The following MAST4 variants were observed in gnomAD, a reference collection of about 807,000 sequenced individuals.
MAST4 encodes the protein microtubule-associated serine/threonine-protein kinase 4.
A neutral mutation model predicts 162.7 loss-of-function variants in MAST4; 89 were observed. That is an observed-to-expected ratio of 0.55 (90% CI 0.46 to 0.65). The LOEUF is 0.65. Among genes scored for constraint, MAST4 ranks in the 30% least tolerant of loss-of-function variants. The pLI is 0.00. For synonymous variants in MAST4, 1,479 were observed against 1,361.1 expected, an observed-to-expected ratio of 1.09 and a Z score of -1.91; for missense variants, 3,153 against 3,374.0, an observed-to-expected ratio of 0.93 and a Z score of 1.62.
chr5:66,737,034 G>C (rs1232910801), intron 1 of MAST4, among the ~76,000 whole-genome samples: 1 of 152,200 alleles, frequency 6.6e-6, no homozygotes, highest in Non-Finnish European at 1.5e-5. Context: ...GAGGACACTT[G>C]ATATAGCAGT....
At chr5:67,108,768 C>A (rs975826626) in intron 10 of MAST4, among the ~76,000 whole-genome samples, 3 of 152,092 alleles carry the variant, frequency 2.0e-5, no homozygotes, top group Non-Finnish European at 4.4e-5. Flanking sequence ...CTTCTGAGTA[C>A]AATCATTTTT....
chr5:67,120,534 G>A (rs1288278915), intron 13 of MAST4, among the ~76,000 whole-genome samples: 1 of 152,140 alleles, frequency 6.6e-6, no homozygotes, highest in Non-Finnish European at 1.5e-5. Flanking sequence ...AGTAAAGAAA[G>A]GCAGGCATTC....
Position 66,635,975 on chromosome 5 carries a change from T to TTC in MAST4, c.363+38957_363+38958insTC, listed in dbSNP as rs1386965157. ...TTTTTTTTTTTTTTTTTTTTTTTTT[T>TTC]CGAGACAGAGTCTTGCTCTGTCACC... On this transcript the variant is annotated intron_variant, in intron 1 of 28. Transcript: ENST00000403625. Among the ~76,000 whole-genome samples the TTC allele has an allele frequency of 6.5e-4, 74 of 113,568 alleles. 3 individuals are homozygous for TTC. Among genetic ancestry groups the TTC allele is most frequent in the African/African-American group, 2.7e-3 (69 of 25,794 alleles). 74.5% of individuals were successfully genotyped at this position (113,568 alleles called of 152,430 possible).
intron 4 of MAST4, among the ~76,000 whole-genome samples, chr5:66,949,485 T>C (rs1429298659): frequency 6.6e-6 from 1 of 152,162 alleles, no homozygotes; most frequent in East Asian, 1.9e-4. Flanking sequence ...ATAGAATGTG[T>C]TTGCTTCCCC....
chr5:67,110,234 T>G, intron 11 of MAST4, 35 bp downstream of exon 11: 2 of 1,461,892 alleles, frequency 1.4e-6, no homozygotes, highest in Non-Finnish European at 1.9e-6. Flanking sequence ...CATTATTTAT[T>G]GTTAACTGGG....
intron 4 of MAST4, chr5:66,963,782 T>C (rs749094730): frequency 1.4e-5 from 11 of 779,700 alleles, no homozygotes; most frequent in Admixed American, 1.0e-4. Flanking sequence ...CCTTTCACTT[T>C]TGGAGGTAAG....
chr5:66,621,338 ATTC>A (rs1223695601), intron 1 of MAST4, among the ~76,000 whole-genome samples: 1 of 152,196 alleles, frequency 6.6e-6, no homozygotes, highest in Admixed American at 6.5e-5. Flanking sequence ...AATTTTTCTC[ATTC>A]TTTTGTCTCG....
chr5:66,916,458 C>G (rs1764126897), intron 4 of MAST4, among the ~76,000 whole-genome samples: 1 of 152,180 alleles, frequency 6.6e-6, no homozygotes, highest in African/African-American at 2.4e-5. Flanking sequence ...ACTGTACTAC[C>G]ATTTATAAAA....
chr5:67,123,880 G>T (rs1767871372), intron 14 of MAST4, among the ~76,000 whole-genome samples: 1 of 152,214 alleles, frequency 6.6e-6, no homozygotes, highest in African/African-American at 2.4e-5. Flanking sequence ...GCGCATGTGT[G>T]CAAGTGGCAT....
intron 4 of MAST4, among the ~76,000 whole-genome samples, chr5:67,047,177 T>A (rs1439813790): frequency 6.6e-6 from 1 of 152,244 alleles, no homozygotes; most frequent in East Asian, 1.9e-4. Flanking sequence ...TCCTGCTTCC[T>A]CCTTTTAATC....
At chr5:66,677,950 G>GT (rs1748064343) in intron 1 of MAST4, among the ~76,000 whole-genome samples, 1 of 152,164 alleles carries the variant, frequency 6.6e-6, no homozygotes, top group Admixed American at 6.5e-5. Flanking sequence ...CTTAAGATCA[G>GT]TTTTTCTGGC....
At chr5:67,040,715 T>TA (rs1319039546) in intron 4 of MAST4, among the ~76,000 whole-genome samples, 1 of 152,258 alleles carries the variant, frequency 6.6e-6, no homozygotes, top group Non-Finnish European at 1.5e-5. Context: ...TGTGGATTCC[T>TA]AGTTACCAAG....
At chr5:66,673,590 G>C (rs188846852) in intron 1 of MAST4, among the ~76,000 whole-genome samples, 122 of 147,600 alleles carry the variant, frequency 8.3e-4, no homozygotes, top group African/African-American at 2.9e-3. Context: ...GACGTGGCGC[G>C]ATCACAGCTC....
At chr5:66,869,280 A>G (rs576576985) in intron 3 of MAST4, among the ~76,000 whole-genome samples, 122 of 152,360 alleles carry the variant, frequency 8.0e-4, no homozygotes, top group Admixed American at 2.1e-3. Flanking sequence ...TAAATAATCC[A>G]TGATGCTGTT....
chr5:67,078,718 TATTATA>T (rs1762011266), intron 5 of MAST4, among the ~76,000 whole-genome samples: 1 of 116,958 alleles, frequency 8.6e-6, no homozygotes, highest in Admixed American at 8.6e-5. Flanking sequence ...TATTTATTTA[TATTATA>T]TTTATATTTA....
In MAST4 at chr5:67,145,287, C is replaced by G; in HGVS notation, c.3002C>G (p.Pro1001Arg). Residue 1001 changes from proline (P) to arginine (R), a missense_variant, in exon 23 of 29, where the codon CCA (proline) becomes CGA (arginine). Physicochemically the swap from Pro to Arg is moderately radical, Grantham distance 103 (BLOSUM62 -2). Around this residue, in one of 7 missense-constraint regions of MAST4, gnomAD observed 619 missense variants for 744.2 expected, o/e 0.83. Coordinates refer to ENST00000403625, the MANE Select transcript of MAST4 (RefSeq NM_001164664.2). The stretch of plus-strand genomic sequence containing the variant: ...TGCCCTGGAGACCCCCATGAGGAGC[C>G]AGGAAAGCCAGCCCTTCCTCCTGAA... ...ASCPGDPHEEPGKPALPPEEC... is the reference protein window; with the variant it reads ...ASCPGDPHEERGKPALPPEEC... 1 of 1,613,880 alleles carries G rather than the reference C, an allele frequency of 6.2e-7. No individual in the cohort carries two copies. The highest frequency in any genetic ancestry group is 8.5e-7 in the Non-Finnish European group (1 of 1,179,850).
At chr5:66,795,930 A>G (rs1755625134) in intron 3 of MAST4, among the ~76,000 whole-genome samples, 1 of 152,210 alleles carries the variant, frequency 6.6e-6, no homozygotes, top group South Asian at 2.1e-4. Flanking sequence ...GAGTGCTTGT[A>G]TTCGAGGAGT....
intron 1 of MAST4, among the ~76,000 whole-genome samples, chr5:66,602,402 A>C (rs7707389): frequency 6.6e-6 from 1 of 152,044 alleles, no homozygotes; most frequent in Non-Finnish European, 1.5e-5. Context: ...TCTGGTCTGA[A>C]GTACTCCAGG....
chr5:66,946,496 A>T (rs1195865850), intron 4 of MAST4, among the ~76,000 whole-genome samples: 2 of 152,290 alleles, frequency 1.3e-5, no homozygotes, highest in African/African-American at 4.8e-5. Flanking sequence ...AGGTTATTCA[A>T]AATGTATTGC....
Sources: gnomAD v4.1 joint callset for allele counts (sites outside exome capture counted in the v4.1 genomes callset) on GRCh38, gnomAD v4.1.1 for gene constraint, gnomAD v4.1.1 regional missense constraint, MANE v1.5 for transcripts, NCBI Gene and HGNC (gene_info 2026-07-23, HGNC 2026-07-21) for gene names.